HYAL4: variants seen among roughly 807,000 people sequenced by gnomAD.
HYAL4 encodes hyaluronidase-4.
A neutral mutation model predicts 35.2 loss-of-function variants in HYAL4; 37 were observed. That is an observed-to-expected ratio of 1.05 (90% confidence interval 0.81 to 1.38). The LOEUF (loss-of-function observed/expected upper bound fraction) is 1.38, where lower values mean the gene tolerates loss of function less well. Ranked by LOEUF, HYAL4 falls within the 40% of genes most tolerant of loss-of-function variation. The probability of loss-of-function intolerance (pLI) is 0.00; values close to 1 mark genes in which losing one functional copy is unlikely to be tolerated. For synonymous variants in HYAL4, 198 were observed against 203.2 expected, an observed-to-expected ratio of 0.97 and a Z score of 0.22; for missense variants, 572 against 572.4, an observed-to-expected ratio of 1.00 and a Z score of 0.01.
intron 2 of HYAL4, among the ~76,000 whole-genome samples, chr7:123,856,657 G>T (rs1806444479): frequency 7.1e-6 from 1 of 141,412 alleles, no homozygotes; most frequent in Non-Finnish European, 1.6e-5. Context: ...TAGGAGGCAT[G>T]GGGGTGAGGG....
At chr7:123,797,765 T>C in the HYAL4 span, among the ~76,000 whole-genome samples, 1 of 152,082 alleles carries the variant, frequency 6.6e-6, no homozygotes, top group African/African-American at 2.4e-5. Flanking sequence ...TAGACTCTGC[T>C]TTAACTCGCC....
At chr7:123,814,194 C>T in the HYAL4 span, 1 of 152,592 alleles carries the variant, frequency 6.6e-6, no homozygotes, top group Admixed American at 6.5e-5. Flanking sequence ...ATCCTATTAA[C>T]TCAGGCAGCC....
At chr7:123,809,749 A>G in the HYAL4 span, among the ~76,000 whole-genome samples, 1 of 151,972 alleles carries the variant, frequency 6.6e-6, no homozygotes, top group African/African-American at 2.4e-5. Flanking sequence ...TGTAGCCATC[A>G]CCACCATCCA....
the HYAL4 span, among the ~76,000 whole-genome samples, chr7:123,763,794 G>A: frequency 6.6e-6 from 1 of 152,182 alleles, no homozygotes; most frequent in Non-Finnish European, 1.5e-5. Flanking sequence ...CTTCCTTCCA[G>A]CAGCTTCAGC....
intron 2 of HYAL4, among the ~76,000 whole-genome samples, chr7:123,862,891 G>A (rs908480981): frequency 1.3e-5 from 2 of 152,126 alleles, no homozygotes; most frequent in Non-Finnish European, 2.9e-5. Flanking sequence ...GTGAAAGCCT[G>A]AGTACCTATA....
chr7:123,800,119 C>T, the HYAL4 span, among the ~76,000 whole-genome samples: 16 of 151,008 alleles, frequency 1.1e-4, no homozygotes, highest in Non-Finnish European at 1.9e-4. Context: ...GCCGAGATCG[C>T]GCCACTGTAC....
Position 123,877,023 on chromosome 7 carries a change from T to C in HYAL4, c.1314T>C (p.Tyr438=). The part of the protein sequence containing the change: ...VMADTFSCHC[Y]QGYEGADCRE... Reference sequence around the variant, plus strand: ...CAGATACATTTTCCTGTCATTGTTATCAGGGATATGAAGGAGCTGATTGCA... The same window carrying C: ...CAGATACATTTTCCTGTCATTGTTACCAGGGATATGAAGGAGCTGATTGCA... Residue 438 remains tyrosine, a synonymous_variant, in exon 5 of 5, where the codon TAT becomes TAC. Transcript: ENST00000223026. The C allele has an allele frequency of 6.2e-7, 1 of 1,614,242 alleles. No individual in the cohort carries two copies. The highest frequency in any genetic ancestry group is 1.1e-5 in the South Asian group (1 of 91,078).
chr7:123,842,894 T>G (rs1264249592), upstream of HYAL4, among the ~76,000 whole-genome samples: 1 of 151,974 alleles, frequency 6.6e-6, no homozygotes, highest in Non-Finnish European at 1.5e-5. Context: ...ATGTGTGTCT[T>G]TGCACGTGAG....
chr7:123,804,237 A>G, the HYAL4 span, among the ~76,000 whole-genome samples: 2 of 152,144 alleles, frequency 1.3e-5, no homozygotes, highest in African/African-American at 4.8e-5. Flanking sequence ...GGTTATGCAC[A>G]TATGTTTCTT....
At chr7:123,853,508 C>T (rs1030946858) in intron 2 of HYAL4, among the ~76,000 whole-genome samples, 2 of 152,128 alleles carry the variant, frequency 1.3e-5, no homozygotes, top group Non-Finnish European at 2.9e-5. Context: ...GTCATTGGTT[C>T]TGTTGATGTA....
chr7:123,845,966 A>C, intron 1 of HYAL4, among the ~76,000 whole-genome samples: 1 of 152,172 alleles, frequency 6.6e-6, no homozygotes, highest in East Asian at 1.9e-4. Context: ...TCAGGCTGGC[A>C]CTGAGGGTTG....
At chr7:123,851,767 T>A (rs542252149) in intron 2 of HYAL4, among the ~76,000 whole-genome samples, 1 of 152,292 alleles carries the variant, frequency 6.6e-6, no homozygotes, top group South Asian at 2.1e-4. Context: ...GTAATGGGAT[T>A]GCTGGGTCAA....
At chr7:123,841,000 C>T (rs1806048004), upstream of HYAL4, among the ~76,000 whole-genome samples, 2 of 152,052 alleles carry the variant, frequency 1.3e-5, no homozygotes, top group Non-Finnish European at 1.5e-5. Flanking sequence ...TCCTGGTTGT[C>T]CTGGCCAGAA....
At position 123,869,110 on chromosome 7, in the gene HYAL4, A is replaced by G; in HGVS notation, c.837A>G (p.Lys279=). 6.2e-7 allele frequency: 1 copy of G among 1,614,092 alleles called. No homozygotes were observed. The highest frequency in any genetic ancestry group is 8.5e-7 in the Non-Finnish European group (1 of 1,180,006). The change falls in exon 3 of 5, where the codon AAA becomes AAG. Residue 279 remains lysine (K), a synonymous_variant. Coordinates refer to ENST00000223026, the MANE Select transcript of HYAL4 (RefSeq NM_012269.3). The stretch of plus-strand genomic sequence containing the variant: ...GTGAAAACATTTTGCGCTTCTCCAA[A>G]TTTCGGGTGCATGAATCCATGAGGA... ...GDSENILRFS[K]FRVHESMRIS...
the HYAL4 span, among the ~76,000 whole-genome samples, chr7:123,773,553 A>G: frequency 6.6e-6 from 1 of 152,178 alleles, no homozygotes; most frequent in East Asian, 1.9e-4. Flanking sequence ...GATAGATTTT[A>G]TCTCACAGAA....
chr7:123,851,651 A>C (rs1172741275), intron 2 of HYAL4, among the ~76,000 whole-genome samples: 1 of 152,150 alleles, frequency 6.6e-6, no homozygotes, highest in East Asian at 1.9e-4. Context: ...ATTGATGGGC[A>C]TTTGGGTTGT....
chr7:123,851,139 C>T (rs146718110), intron 2 of HYAL4, among the ~76,000 whole-genome samples: 222 of 152,328 alleles, frequency 1.5e-3, no homozygotes, highest in Non-Finnish European at 2.2e-3. Context: ...ACAGTTCTCA[C>T]ACCATGTGAA....
chr7:123,807,089 C>T, the HYAL4 span, among the ~76,000 whole-genome samples: 4 of 152,094 alleles, frequency 2.6e-5, no homozygotes, highest in Non-Finnish European at 5.9e-5. Context: ...TAGCAATTTC[C>T]CTGCTTATTT....
chr7:123,824,917 GTC>G (rs1805778598), upstream of HYAL4, among the ~76,000 whole-genome samples: 1 of 152,076 alleles, frequency 6.6e-6, no homozygotes, highest in African/African-American at 2.4e-5. Context: ...AAATAAACAT[GTC>G]AGCCTCCAAG....
Sources: gnomAD v4.1 joint callset for allele counts (sites outside exome capture counted in the v4.1 genomes callset) on GRCh38, gnomAD v4.1.1 for gene constraint, MANE v1.5 for transcripts, NCBI Gene and HGNC (gene_info 2026-07-23, HGNC 2026-07-21) for gene names.